CAMKMT: variants seen among roughly 807,000 people sequenced by gnomAD.
CAMKMT encodes CaM KMT.
CAMKMT carries 53 observed loss-of-function variants against 48.0 expected under a neutral mutation model. The observed-to-expected ratio is 1.10, with a 90% CI of 0.89 to 1.39. The LOEUF (loss-of-function observed/expected upper bound fraction) is 1.39, where lower values mean the gene tolerates loss of function less well. Ranked by LOEUF, CAMKMT falls within the 40% of genes most tolerant of loss-of-function variation. CAMKMT has a pLI of 0.00. For missense variants in CAMKMT, 428 were observed against 402.7 expected, an observed-to-expected ratio of 1.06 and a Z score of -0.54; for synonymous variants, 165 against 152.3, an observed-to-expected ratio of 1.08 and a Z score of -0.61.
At chr2:44,568,488 A>G (rs145699400) in intron 3 of CAMKMT, among the ~76,000 whole-genome samples, 99 of 152,252 alleles carry the variant, frequency 6.5e-4, no homozygotes, top group African/African-American at 2.3e-3. Context: ...GGTCACCCAC[A>G]GCTCTGTGGT....
rs190811933 is a variant in CAMKMT, at chr2:44,477,310, C to T, written c.376+87005C>T. On this transcript the variant is annotated intron_variant, in intron 3 of 10. Coordinates refer to ENST00000378494, the MANE Select transcript of CAMKMT (RefSeq NM_024766.5). ...CCAGGATTGGGGTGTACAGGTGTAC[C>T]CACCCTGAGAACCAGTGGATCTATA... Among the ~76,000 whole-genome samples the T allele has an allele frequency of 6.1e-4, 93 of 152,126 alleles. 1 individual carries two copies. The highest frequency in any genetic ancestry group is 2.1e-3 in the African/African-American group (86 of 41,496).
At chr2:44,446,017 G>A (rs56036355) in intron 3 of CAMKMT, among the ~76,000 whole-genome samples, 1 of 152,184 alleles carries the variant, frequency 6.6e-6, no homozygotes, top group Admixed American at 6.5e-5. Context: ...ATGTCAGTTA[G>A]ACATACTTCT....
At chr2:44,531,276 C>T (rs1030092547) in intron 3 of CAMKMT, among the ~76,000 whole-genome samples, 1 of 152,072 alleles carries the variant, frequency 6.6e-6, no homozygotes, top group African/African-American at 2.4e-5. Flanking sequence ...ACCAGGGTCA[C>T]ATAGAGTTCA....
chr2:44,416,166 G>A (rs1164095936), intron 3 of CAMKMT, among the ~76,000 whole-genome samples: 3 of 152,146 alleles, frequency 2.0e-5, no homozygotes, highest in African/African-American at 7.2e-5. Context: ...CAATGTTAAT[G>A]GATATGTTTT....
intron 3 of CAMKMT, among the ~76,000 whole-genome samples, chr2:44,636,994 C>G (rs1196687884): frequency 3.3e-5 from 5 of 152,078 alleles, no homozygotes; most frequent in Non-Finnish European, 1.5e-5. Context: ...GTAGATAGAA[C>G]AGTACTCCAA....
chr2:44,587,622 C>A (rs1266862684), intron 3 of CAMKMT, among the ~76,000 whole-genome samples: 1 of 111,438 alleles, frequency 9.0e-6, no homozygotes, highest in Non-Finnish European at 2.0e-5. Flanking sequence ...ATTGCAGGCG[C>A]GCGCCGCCAC....
intron 3 of CAMKMT, among the ~76,000 whole-genome samples, chr2:44,536,038 C>T (rs1194757170): frequency 6.6e-6 from 1 of 152,066 alleles, no homozygotes; most frequent in East Asian, 1.9e-4. Context: ...AATCAACATA[C>T]AAAATCAGTA....
chr2:44,735,897 CAAACAAAACAAAACA>C (rs57656418), intron 7 of CAMKMT, among the ~76,000 whole-genome samples: 271 of 149,816 alleles, frequency 1.8e-3, no homozygotes, highest in African/African-American at 4.5e-3. Context: ...TGCTCTGTCT[CAAACAAAACAAAACA>C]AAACAAAACA....
At chr2:44,560,591 T>C (rs1321001863) in intron 3 of CAMKMT, among the ~76,000 whole-genome samples, 1 of 152,218 alleles carries the variant, frequency 6.6e-6, no homozygotes, top group South Asian at 2.1e-4. Context: ...CTTCTAATGA[T>C]AGACTGATTG....
At chr2:44,701,315 A>G (rs187468597) in intron 3 of CAMKMT, among the ~76,000 whole-genome samples, 1 of 152,292 alleles carries the variant, frequency 6.6e-6, no homozygotes, top group East Asian at 1.9e-4. Context: ...TGACTATTTG[A>G]TTGTAGCCAT....
At chr2:44,515,940 A>C (rs1023145849) in intron 3 of CAMKMT, among the ~76,000 whole-genome samples, 4 of 152,210 alleles carry the variant, frequency 2.6e-5, no homozygotes, top group Non-Finnish European at 4.4e-5. Flanking sequence ...TATGAGAAAG[A>C]ACAAGTCTAA....
intron 3 of CAMKMT, chr2:44,456,832 A>G (rs1228790971): frequency 8.8e-6 from 4 of 455,484 alleles, no homozygotes; most frequent in African/African-American, 4.0e-5. Flanking sequence ...CTCCAGCCCA[A>G]TTATGTTTTC....
At chr2:44,439,844 T>C (rs1047628168) in intron 3 of CAMKMT, among the ~76,000 whole-genome samples, 42 of 152,008 alleles carry the variant, frequency 2.8e-4, no homozygotes, top group African/African-American at 9.6e-4. Flanking sequence ...GCCGATATGC[T>C]GGGAGGACTT....
intron 9 of CAMKMT, among the ~76,000 whole-genome samples, chr2:44,764,011 C>T (rs1283625807): frequency 6.6e-6 from 1 of 152,090 alleles, no homozygotes; most frequent in African/African-American, 2.4e-5. Context: ...ACTAAAATGA[C>T]CTACCAGCAT....
intron 3 of CAMKMT, among the ~76,000 whole-genome samples, chr2:44,590,814 A>G (rs1347895242): frequency 1.3e-5 from 2 of 151,822 alleles, no homozygotes; most frequent in African/African-American, 4.8e-5. Flanking sequence ...TGTTTTAGAC[A>G]TGAAGTCCTT....
At chr2:44,587,324 T>C (rs1209689958) in intron 3 of CAMKMT, among the ~76,000 whole-genome samples, 1 of 152,182 alleles carries the variant, frequency 6.6e-6, no homozygotes, top group East Asian at 1.9e-4. Flanking sequence ...CAGCAATATT[T>C]TGCAATTTTC....
intron 9 of CAMKMT, among the ~76,000 whole-genome samples, chr2:44,755,026 A>G (rs937136677): frequency 6.6e-5 from 10 of 152,228 alleles, no homozygotes; most frequent in Admixed American, 2.6e-4. Context: ...CTTCTGACTC[A>G]GTGAGACTTA....
intron 3 of CAMKMT, among the ~76,000 whole-genome samples, chr2:44,595,979 C>T (rs553784031): frequency 6.6e-6 from 1 of 151,110 alleles, no homozygotes; most frequent in Non-Finnish European, 1.5e-5. Flanking sequence ...CACACTGGGG[C>T]CTGATGGGAG....
intron 3 of CAMKMT, among the ~76,000 whole-genome samples, chr2:44,495,111 A>C (rs1343265637): frequency 6.6e-6 from 1 of 152,188 alleles, no homozygotes; most frequent in Non-Finnish European, 1.5e-5. Flanking sequence ...TTTTTTAAAG[A>C]AATAAATGCC....
Sources: gnomAD v4.1 joint callset for allele counts (sites outside exome capture counted in the v4.1 genomes callset) on GRCh38, gnomAD v4.1.1 for gene constraint, MANE v1.5 for transcripts, NCBI Gene and HGNC (gene_info 2026-07-23, HGNC 2026-07-21) for gene names.